The following FRMD3 variants were observed in gnomAD, a reference collection of about 807,000 sequenced individuals.
The protein encoded by FRMD3 is FERM domain containing 3.
Under a neutral mutation model 70.2 loss-of-function variants are expected in FRMD3, and 33 were observed. The observed-to-expected ratio is 0.47, with a 90% CI of 0.36 to 0.63. The LOEUF is 0.63. FRMD3 is among the 20% of genes least tolerant of loss of function. The pLI is 0.00. For synonymous variants in FRMD3, 279 were observed against 255.9 expected (o/e 1.09, Z -0.86); for missense variants, 632 against 711.4 (o/e 0.89, Z 1.27).
intron 6 of FRMD3, among the ~76,000 whole-genome samples, chr9:83,321,018 G>T (rs1035509719): frequency 2.0e-5 from 3 of 152,040 alleles, no homozygotes; most frequent in Non-Finnish European, 2.9e-5. Context: ...TATTTCTGTG[G>T]TATCAGTTGT....
the FRMD3 span, among the ~76,000 whole-genome samples, chr9:83,553,619 T>C: frequency 1.3e-5 from 2 of 152,200 alleles, no homozygotes; most frequent in Non-Finnish European, 2.9e-5. Context: ...GTCTTCAAGT[T>C]CTGAGATTCT....
At chr9:83,382,374 C>T (rs1318260059) in intron 2 of FRMD3, among the ~76,000 whole-genome samples, 1 of 152,006 alleles carries the variant, frequency 6.6e-6, no homozygotes, top group Admixed American at 6.6e-5. Context: ...ATCTTTAAAG[C>T]ATGGAAGAGT....
chr9:83,574,943 T>G, the FRMD3 span, among the ~76,000 whole-genome samples: 1 of 152,196 alleles, frequency 6.6e-6, no homozygotes, highest in Non-Finnish European at 1.5e-5. Flanking sequence ...CTCAGTTCAC[T>G]GGGTACTAAC....
intron 3 of FRMD3, among the ~76,000 whole-genome samples, chr9:83,350,065 G>C (rs1824094674): frequency 6.6e-6 from 1 of 152,104 alleles, no homozygotes. Flanking sequence ...CACAGCTCCA[G>C]AGAACACTTC....
the FRMD3 span, among the ~76,000 whole-genome samples, chr9:83,567,065 C>G: frequency 6.6e-6 from 1 of 152,254 alleles, no homozygotes; most frequent in Admixed American, 6.5e-5. Context: ...GCCCCTGCAG[C>G]AAACTTTTGC....
chr9:83,467,617 C>T, intron 1 of FRMD3: 2 of 1,525,160 alleles, frequency 1.3e-6, no homozygotes, highest in Non-Finnish European at 1.8e-6. Context: ...CTGACACATA[C>T]CTTTGAAAGC....
At chr9:83,445,029 T>C (rs181864869) in intron 1 of FRMD3, among the ~76,000 whole-genome samples, 1 of 152,282 alleles carries the variant, frequency 6.6e-6, no homozygotes, top group African/African-American at 2.4e-5. Context: ...TCTTAAGACT[T>C]TACTCGGCAC....
In FRMD3 at chr9:83,537,434, C is replaced by A. The variant is rs1284559820; in HGVS notation, c.147+651G>T. Among the ~76,000 whole-genome samples the A allele has an allele frequency of 1.3e-5, 2 of 152,238 alleles. No homozygotes were observed. Among genetic ancestry groups the A allele is most frequent in the Non-Finnish European group, 2.9e-5 (2 of 68,046 alleles). On this transcript the variant is annotated intron_variant, in intron 1 of 13. Coordinates refer to ENST00000304195, the MANE Select transcript of FRMD3 (RefSeq NM_174938.6). This position sits in a 1 kb window ranked among gnomAD's most constrained non-coding sequence, Gnocchi z 4.1. ...CCGAAACACTCAGACTTCACACATT[C>A]CTTTCGAGGTAGCTCCAGTCCGGCG...
chr9:83,568,163 C>G, the FRMD3 span, among the ~76,000 whole-genome samples: 4 of 152,154 alleles, frequency 2.6e-5, no homozygotes, highest in African/African-American at 7.2e-5. Context: ...GAAGCAAAAG[C>G]AGAAACCCCT....
chr9:83,275,599 A>G (rs566780379), intron 13 of FRMD3, among the ~76,000 whole-genome samples: 2 of 152,324 alleles, frequency 1.3e-5, no homozygotes, highest in East Asian at 3.9e-4. Context: ...CTAAGGATCA[A>G]GCACCATATA....
rs1828152553 is a variant in FRMD3 at position 83,467,262 on chromosome 9, C to T, written c.147+70823G>A. ...CAATTTTAAATAATTACATCTTGAT[C>T]TTGACCTCAGCAGGAAGCCCAGGAG... On this transcript the variant is annotated intron_variant, in intron 1 of 13. Transcript: ENST00000304195. Among the ~76,000 whole-genome samples, 4 of 152,324 alleles carry T rather than the reference C, an allele frequency of 2.6e-5. No homozygotes were observed. In the South Asian group the frequency reaches 8.3e-4, roughly 32 times the overall value.
At chr9:83,573,327 GAA>G in the FRMD3 span, among the ~76,000 whole-genome samples, 8 of 152,304 alleles carry the variant, frequency 5.3e-5, no homozygotes, top group South Asian at 1.7e-3. Flanking sequence ...TATAGGCTAA[GAA>G]TGATATTGCC....
chr9:83,422,968 C>T (rs186648093), intron 1 of FRMD3, among the ~76,000 whole-genome samples: 86 of 152,246 alleles, frequency 5.6e-4, no homozygotes, highest in Non-Finnish European at 9.1e-4. Context: ...TAAGCAAAGA[C>T]CTAGAAGCCA....
chr9:83,569,165 T>C, the FRMD3 span, among the ~76,000 whole-genome samples: 208 of 152,332 alleles, frequency 1.4e-3, 2 homozygotes, highest in African/African-American at 3.9e-3. Context: ...AATTCTAGCC[T>C]GAATGCTCCA....
At chr9:83,453,757 A>T (rs12682903) in intron 1 of FRMD3, among the ~76,000 whole-genome samples, 1 of 138,004 alleles carries the variant, frequency 7.2e-6, no homozygotes, top group East Asian at 2.1e-4. Context: ...ACTTTGTCAC[A>T]CAGGCTAGAG....
chr9:83,511,904 C>CCTG (rs1027115996), intron 1 of FRMD3, among the ~76,000 whole-genome samples: 2 of 152,170 alleles, frequency 1.3e-5, no homozygotes, highest in Admixed American at 1.3e-4. Flanking sequence ...AATGCAGAAA[C>CCTG]CTGCTTCTTT....
At chr9:83,326,049 G>C (rs7858141) in intron 6 of FRMD3, among the ~76,000 whole-genome samples, 68,593 of 151,952 alleles carry the variant, frequency 0.45, 16,076 homozygotes, top group African/African-American at 0.59. Flanking sequence ...CTAGTTGACC[G>C]GGTATAAAAA....
At chr9:83,335,719 G>A in intron 5 of FRMD3, 80 bp from the exon 6 acceptor site, 4 of 1,264,392 alleles carry the variant, frequency 3.2e-6, no homozygotes, top group South Asian at 1.5e-5. Context: ...AGTGCCTCCT[G>A]CCATCCAAAA....
rs189051005 is a variant in FRMD3 at position 83,443,326 on chromosome 9, T to C, written c.148-53618A>G. Among the ~76,000 whole-genome samples the C allele has an allele frequency of 1.6e-4, 25 of 152,326 alleles. No homozygotes were observed. The East Asian group carries it at 2.3e-3, about 14-fold the overall frequency. ...CCACAACAGGCCCCAGTATGTGATGTACCCCGCCCTGTATCGAAGTGTTCT... is the reference window on the plus strand; with the variant it reads ...CCACAACAGGCCCCAGTATGTGATGCACCCCGCCCTGTATCGAAGTGTTCT... On this transcript the variant is annotated intron_variant, in intron 1 of 13. Coordinates refer to ENST00000304195, the MANE Select transcript of FRMD3 (RefSeq NM_174938.6).
Sources: allele counts gnomAD v4.1 joint callset (sites outside exome capture counted in the v4.1 genomes callset), GRCh38; gene constraint gnomAD v4.1.1; non-coding constraint Gnocchi (gnomAD v3.1); transcripts MANE v1.5; gene names NCBI Gene and HGNC (gene_info 2026-07-23, HGNC 2026-07-21).